The following MSRA variants were observed in gnomAD, a reference collection of about 807,000 sequenced individuals.
MSRA encodes the protein methionine sulfoxide reductase A, also known as mitochondrial peptide methionine sulfoxide reductase.
MSRA carries 54 observed loss-of-function variants against 31.3 expected under a neutral mutation model. That is an observed-to-expected ratio of 1.73 (90% CI 1.39 to 2.17). The LOEUF is 2.17. MSRA is among the 30% of genes most tolerant of loss of function. The pLI is 0.00. For synonymous variants in MSRA, 169 were observed against 116.5 expected (o/e 1.45, Z -2.90); for missense variants, 507 against 300.9 (o/e 1.69, Z -5.07).
chr8:10,348,011 A>G (rs1358251582), intron 5 of MSRA, among the ~76,000 whole-genome samples: 1 of 152,244 alleles, frequency 6.6e-6, no homozygotes, highest in Non-Finnish European at 1.5e-5. Context: ...TAGAGTAGGC[A>G]CATGGTAAAT....
intron 5 of MSRA, among the ~76,000 whole-genome samples, chr8:10,416,071 A>C (rs1482952531): frequency 6.6e-6 from 1 of 151,836 alleles, no homozygotes; most frequent in Non-Finnish European, 1.5e-5. Context: ...GTGTGAGGGA[A>C]CTTCTCCTGC....
At chr8:10,214,050 T>C (rs1319204944) in intron 2 of MSRA, among the ~76,000 whole-genome samples, 1 of 152,216 alleles carries the variant, frequency 6.6e-6, no homozygotes, top group Non-Finnish European at 1.5e-5. Context: ...AATGTCTCTC[T>C]GACCTCAAAC....
chr8:10,317,100 C>CCAA lies in MSRA; in HGVS notation c.437-2780_437-2778dup, dbSNP rs1415936749. Among the ~76,000 whole-genome samples, 6 of 152,298 alleles carry CCAA rather than the reference C, an allele frequency of 3.9e-5. No individual in the cohort carries two copies. The South Asian group carries it at 1.2e-3, about 32-fold the overall frequency. On this transcript the variant is annotated intron_variant, in intron 4 of 5. Coordinates refer to ENST00000317173, the MANE Select transcript of MSRA (RefSeq NM_012331.5). ...CTAGTAGGAGTCACTCTGTTTTCAA[C>CCAA]CAACATGGACAGTCCTGCTAATGAG...
intron 3 of MSRA, among the ~76,000 whole-genome samples, chr8:10,257,850 T>G (rs1003490695): frequency 6.6e-6 from 1 of 152,208 alleles, no homozygotes; most frequent in Non-Finnish European, 1.5e-5. Context: ...CAGGACATGC[T>G]TGATGGGACT....
intron 3 of MSRA, among the ~76,000 whole-genome samples, chr8:10,279,672 G>T (rs1449768452): frequency 6.6e-6 from 1 of 152,196 alleles, no homozygotes; most frequent in African/African-American, 2.4e-5. Context: ...AGTTTCATTT[G>T]GTTGAAGCTA....
intron 5 of MSRA, among the ~76,000 whole-genome samples, chr8:10,359,826 C>G (rs928550356): frequency 7.2e-5 from 11 of 152,274 alleles, no homozygotes; most frequent in Non-Finnish European, 1.2e-4. Context: ...GAACAGTGGT[C>G]TTGAGTTTGA....
chr8:10,251,085 C>G (rs2129086311), intron 3 of MSRA, among the ~76,000 whole-genome samples: 1 of 152,188 alleles, frequency 6.6e-6, no homozygotes, highest in Middle Eastern at 3.4e-3. Context: ...CATCTGTGTT[C>G]TTAGGAGGTC....
chr8:10,395,073 A>C (rs1011172812), intron 5 of MSRA, among the ~76,000 whole-genome samples: 3 of 152,130 alleles, frequency 2.0e-5, no homozygotes, highest in African/African-American at 4.8e-5. Flanking sequence ...ACACACAGTC[A>C]CCTGTGTGTA....
chr8:10,074,960 C>T (rs1797932349), intron 1 of MSRA, among the ~76,000 whole-genome samples: 1 of 152,108 alleles, frequency 6.6e-6, no homozygotes, highest in South Asian at 2.1e-4. Flanking sequence ...CGCCCGGCAC[C>T]CTGTACTTCT....
At chr8:10,055,155 G>T (rs1802270231) in intron 1 of MSRA, among the ~76,000 whole-genome samples, 1 of 55,324 alleles carries the variant, frequency 1.8e-5, no homozygotes, top group Non-Finnish European at 3.6e-5. Flanking sequence ...CTGCGTCTCA[G>T]GCCAGTGTTC....
intron 1 of MSRA, among the ~76,000 whole-genome samples, chr8:10,177,904 T>C (rs1806196771): frequency 6.6e-6 from 1 of 152,152 alleles, no homozygotes; most frequent in South Asian, 2.1e-4. Flanking sequence ...CCAGGGAGTG[T>C]CTCCTTGGTC....
intron 1 of MSRA, among the ~76,000 whole-genome samples, chr8:10,146,942 T>C (rs925374870): frequency 1.3e-5 from 2 of 152,098 alleles, no homozygotes; most frequent in African/African-American, 4.8e-5. Flanking sequence ...TTCACACTAT[T>C]GTTTAAAAAG....
At chr8:10,348,343 C>T (rs1803914998) in intron 5 of MSRA, among the ~76,000 whole-genome samples, 1 of 149,186 alleles carries the variant, frequency 6.7e-6, no homozygotes, top group Non-Finnish European at 1.5e-5. Context: ...CAACTTATAT[C>T]CAGAAATTAT....
intron 5 of MSRA, among the ~76,000 whole-genome samples, chr8:10,325,926 G>A (rs4278158): frequency 3.3e-5 from 5 of 152,002 alleles, no homozygotes; most frequent in African/African-American, 9.7e-5. Context: ...TAACACTCCT[G>A]GATTATGGTC....
intron 5 of MSRA, among the ~76,000 whole-genome samples, chr8:10,414,966 G>A (rs1444632750): frequency 1.3e-5 from 2 of 152,160 alleles, no homozygotes; most frequent in East Asian, 1.9e-4. Context: ...AAGAAAACTC[G>A]TAGAGGAAAA....
At chr8:10,273,519 C>T (rs1174294496) in intron 3 of MSRA, among the ~76,000 whole-genome samples, 1 of 152,090 alleles carries the variant, frequency 6.6e-6, no homozygotes, top group East Asian at 1.9e-4. Flanking sequence ...TCATAAAGTA[C>T]TTGGTATGTA....
intron 3 of MSRA, among the ~76,000 whole-genome samples, chr8:10,246,786 T>G (rs1479525781): frequency 6.6e-6 from 1 of 152,254 alleles, no homozygotes; most frequent in African/African-American, 2.4e-5. Context: ...GTATGGAGAA[T>G]GTGGTGTAAC....
At chr8:10,061,106 A>T (rs530512) in intron 1 of MSRA, among the ~76,000 whole-genome samples, 32,675 of 151,982 alleles carry the variant, frequency 0.21, 3,715 homozygotes, top group Admixed American at 0.3. Flanking sequence ...AGTCCCTGGG[A>T]TGAGGGTATT....
chr8:10,284,791 G>A (rs1799846971), intron 3 of MSRA, among the ~76,000 whole-genome samples: 1 of 152,084 alleles, frequency 6.6e-6, no homozygotes, highest in African/African-American at 2.4e-5. Context: ...TCTGTAAAAT[G>A]GATATAATGA....
Sources: gnomAD v4.1 joint callset for allele counts (sites outside exome capture counted in the v4.1 genomes callset) on GRCh38, gnomAD v4.1.1 for gene constraint, MANE v1.5 for transcripts, NCBI Gene and HGNC (gene_info 2026-07-23, HGNC 2026-07-21) for gene names.